ZNF717: variants seen among roughly 807,000 people sequenced by gnomAD.
The protein encoded by ZNF717 is zinc finger protein 717, also known as krueppel-like factor X17.
In ZNF717, 9 loss-of-function variants were observed where a neutral mutation model predicts 13.8. That is an observed-to-expected ratio of 0.65 (90% CI 0.39 to 1.14). The LOEUF (loss-of-function observed/expected upper bound fraction) is 1.14. ZNF717 is among the 50% of genes most tolerant of loss of function. The pLI is 0.01. For missense variants in ZNF717, 1,040 were observed against 1,080.7 expected, an observed-to-expected ratio of 0.96 and a Z score of 0.53; for synonymous variants, 327 against 364.1, an observed-to-expected ratio of 0.90 and a Z score of 1.16.
intron 2 of ZNF717, among the ~76,000 whole-genome samples, chr3:75,764,312 T>C (rs1252686142): frequency 6.6e-6 from 1 of 152,172 alleles, no homozygotes; most frequent in Admixed American, 6.5e-5. Flanking sequence ...TCCTGCCTTT[T>C]TCCCAGCAGT....
chr3:75,719,970 A>AAATAATAATAATAATAATAAT (rs200443242), intron 4 of ZNF717, among the ~76,000 whole-genome samples: 73 of 146,194 alleles, frequency 5.0e-4, no homozygotes, highest in East Asian at 6.0e-4. Context: ...AAATAATAAT[A>AAATAATAATAATAATAATAAT]AATAATAATA....
intron 2 of ZNF717, among the ~76,000 whole-genome samples, chr3:75,765,033 A>ATATATATATATATT: frequency 1.7e-5 from 1 of 59,072 alleles, no homozygotes; most frequent in African/African-American, 9.7e-5. Context: ...ATATATATGT[A>ATATATATATATATT]TATGTGTGTG....
chr3:75,723,248 CTTT>C (rs112455865), intron 4 of ZNF717, among the ~76,000 whole-genome samples: 3 of 88,656 alleles, frequency 3.4e-5, no homozygotes, highest in African/African-American at 4.4e-5. Context: ...GACAATCTCA[CTTT>C]TTTTTTTTTT....
intron 5 of ZNF717, chr3:75,730,716 G>A (rs1938480042): frequency 3.0e-6 from 2 of 659,600 alleles, no homozygotes; most frequent in Non-Finnish European, 5.4e-6. Context: ...CAAGGAACAA[G>A]TACAGAATCC....
chr3:75,705,334 G>T (rs528201987), downstream of ZNF717, among the ~76,000 whole-genome samples: 4 of 152,424 alleles, frequency 2.6e-5, no homozygotes, highest in East Asian at 7.7e-4. Context: ...TTATATACAG[G>T]CTTCTCTGAT....
intron 5 of ZNF717, among the ~76,000 whole-genome samples, chr3:75,713,666 A>G (rs1321866722): frequency 1.3e-5 from 2 of 152,120 alleles, no homozygotes; most frequent in Non-Finnish European, 2.9e-5. Context: ...ATTATGACTA[A>G]TAATGTAGGG....
chr3:75,702,388 G>A (rs1215926675), intron 6 of ZNF717, among the ~76,000 whole-genome samples: 38 of 152,274 alleles, frequency 2.5e-4, no homozygotes, highest in African/African-American at 9.2e-4. Context: ...AATGTGACAC[G>A]TTCTCACTTA....
At chr3:75,733,665 G>T (rs80122327), downstream of ZNF717, among the ~76,000 whole-genome samples, 2 of 150,290 alleles carry the variant, frequency 1.3e-5, no homozygotes, top group African/African-American at 4.9e-5. Flanking sequence ...CATAGTCCTA[G>T]CTACTCGGGA....
intron 2 of ZNF717, among the ~76,000 whole-genome samples, chr3:75,778,207 G>A (rs1280114220): frequency 6.7e-5 from 10 of 149,320 alleles, no homozygotes; most frequent in Non-Finnish European, 1.0e-4. Flanking sequence ...TGGGAGTGAC[G>A]TGCTAAAACT....
At chr3:75,761,683 G>A (rs558270696) in intron 2 of ZNF717, among the ~76,000 whole-genome samples, 3 of 152,382 alleles carry the variant, frequency 2.0e-5, no homozygotes, top group African/African-American at 7.2e-5. Flanking sequence ...TCAGGATACA[G>A]TAACACACAC....
At chr3:75,762,226 G>A (rs1943093907) in intron 2 of ZNF717, among the ~76,000 whole-genome samples, 1 of 152,058 alleles carries the variant, frequency 6.6e-6, no homozygotes, top group Non-Finnish European at 1.5e-5. Flanking sequence ...ATCACCTGAG[G>A]TCACAAGTTC....
chr3:75,725,284 A>C, downstream of ZNF717, among the ~76,000 whole-genome samples: 1 of 152,234 alleles, frequency 6.6e-6, no homozygotes, highest in East Asian at 1.9e-4. Context: ...TTCCTCAAGG[A>C]CTTAAAAGCA....
intron 2 of ZNF717, among the ~76,000 whole-genome samples, chr3:75,747,806 A>C (rs1255873350): frequency 6.6e-6 from 1 of 152,164 alleles, no homozygotes; most frequent in Non-Finnish European, 1.5e-5. Flanking sequence ...TCATCTGCAA[A>C]CAGGGACAAT....
At chr3:75,702,013 G>T in intron 6 of ZNF717, among the ~76,000 whole-genome samples, 1 of 152,310 alleles carries the variant, frequency 6.6e-6, no homozygotes, top group East Asian at 1.9e-4. Flanking sequence ...GGAGTGAAGG[G>T]AACCCTTGTA....
rs1210232789 is a variant in ZNF717, at chr3:75,749,906, G to T, written c.58-8170C>A. On this transcript the variant is annotated intron_variant, in intron 2 of 4. Transcript: ENST00000652011. ...CCCTCACATAGGATTCCAGAACACT[G>T]CTGTTGGGTTCTGAGGGTTTGTCCC... Among the ~76,000 whole-genome samples, 562 of 150,096 alleles carry T rather than the reference G, an allele frequency of 3.7e-3. 4 individuals carry two copies. The highest frequency in any genetic ancestry group is 0.014 in the African/African-American group (549 of 40,448).
At chr3:75,719,323 TTCTA>T (rs33922500) in intron 4 of ZNF717, among the ~76,000 whole-genome samples, 3 of 151,886 alleles carry the variant, frequency 2.0e-5, no homozygotes, top group East Asian at 1.9e-4. Flanking sequence ...ATACTGTGGT[TTCTA>T]TCTATCTTTT....
chr3:75,749,302 T>C (rs1425306852), intron 2 of ZNF717, among the ~76,000 whole-genome samples: 18 of 151,930 alleles, frequency 1.2e-4, no homozygotes, highest in Non-Finnish European at 2.5e-4. Context: ...GTTCTGAATC[T>C]TTGACCCTTA....
chr3:75,757,746 A>G (rs1942616404), intron 2 of ZNF717, among the ~76,000 whole-genome samples: 1 of 152,150 alleles, frequency 6.6e-6, no homozygotes, highest in South Asian at 2.1e-4. Flanking sequence ...TTGAAAATCT[A>G]CTGAAAGGAT....
chr3:75,779,882 A>T (rs9840054), intron 2 of ZNF717, among the ~76,000 whole-genome samples: 6,299 of 151,296 alleles, frequency 0.042, 378 homozygotes, highest in African/African-American at 0.15. Flanking sequence ...AAACAATGGG[A>T]GTGTCCTGCT....
Sources: gnomAD v4.1 joint callset for allele counts (sites outside exome capture counted in the v4.1 genomes callset) on GRCh38, gnomAD v4.1.1 for gene constraint, MANE v1.5 for transcripts, NCBI Gene and HGNC (gene_info 2026-07-23, HGNC 2026-07-21) for gene names.